The following EYS variants were observed in gnomAD, a reference collection of about 807,000 sequenced individuals.
EYS encodes EGF-like photoreceptor maintenance factor.
In EYS, 250 loss-of-function variants were observed where a neutral mutation model predicts 282.1. That is an observed-to-expected ratio of 0.89 (90% CI 0.80 to 0.98). The LOEUF is 0.98. Ranked by LOEUF, EYS falls within the 50% of genes least tolerant of loss-of-function variation. The pLI, the probability that EYS is intolerant of heterozygous loss-of-function variation, is 0.00. For synonymous variants in EYS, 1,355 were observed against 1,282.9 expected, an observed-to-expected ratio of 1.06 and a Z score of -1.20; for missense variants, 4,016 against 3,709.0, an observed-to-expected ratio of 1.08 and a Z score of -2.15.
At chr6:65,684,259 T>A (rs896482163) in intron 1 of EYS, among the ~76,000 whole-genome samples, 1 of 151,994 alleles carries the variant, frequency 6.6e-6, no homozygotes, top group Non-Finnish European at 1.5e-5. Flanking sequence ...AGGATTTAGT[T>A]AAAAATAGCA....
rs558222217 is a variant in EYS at position 64,896,736 on chromosome 6, T to C, written c.2846+5377A>G. Among the ~76,000 whole-genome samples the C allele has an allele frequency of 5.9e-5, 9 of 152,102 alleles. No individual in the cohort carries two copies. In the South Asian group the frequency reaches 1.9e-3, roughly 32 times the overall value. On this transcript the variant is annotated intron_variant, in intron 18 of 42. Coordinates refer to ENST00000503581, the MANE Select transcript of EYS (RefSeq NM_001142800.2). Reference sequence around the variant, plus strand: ...TCACTGCCACCACAACAGTCTGAAGTCCACCTGGGATGCTGGAGTTTAGTT... The same window carrying C: ...TCACTGCCACCACAACAGTCTGAAGCCCACCTGGGATGCTGGAGTTTAGTT...
At chr6:63,876,795 CT>C (rs914651907) in intron 35 of EYS, among the ~76,000 whole-genome samples, 6 of 151,412 alleles carry the variant, frequency 4.0e-5, no homozygotes, top group South Asian at 2.1e-4. Flanking sequence ...GCAACCCCTG[CT>C]TTTTTTTTGT....
intron 19 of EYS, among the ~76,000 whole-genome samples, chr6:64,854,444 G>A (rs1284401729): frequency 6.6e-6 from 1 of 152,004 alleles, no homozygotes; most frequent in African/African-American, 2.4e-5. Context: ...TCTTTGTAGG[G>A]ACATGGATGA....
At chr6:65,266,810 T>C (rs1053486289) in intron 12 of EYS, among the ~76,000 whole-genome samples, 1 of 151,238 alleles carries the variant, frequency 6.6e-6, no homozygotes, top group Non-Finnish European at 1.5e-5. Flanking sequence ...TACTCTACAA[T>C]ATCTGTTTAA....
chr6:64,615,339 G>C (rs898374508), intron 24 of EYS, among the ~76,000 whole-genome samples: 2 of 151,648 alleles, frequency 1.3e-5, no homozygotes, highest in African/African-American at 4.8e-5. Flanking sequence ...AGTGGGGGAG[G>C]GAAAAATAAA....
intron 35 of EYS, among the ~76,000 whole-genome samples, chr6:63,877,342 G>A (rs1773003196): frequency 6.6e-6 from 1 of 152,212 alleles, no homozygotes; most frequent in South Asian, 2.1e-4. Context: ...GTGATCTGCT[G>A]TTATTCTGAT....
chr6:64,433,840 G>T (rs1774650021), intron 28 of EYS, among the ~76,000 whole-genome samples: 1 of 151,958 alleles, frequency 6.6e-6, no homozygotes, highest in Non-Finnish European at 1.5e-5. Flanking sequence ...TAAAAACAAT[G>T]ATCAGGTCAA....
chr6:63,789,339 T>A lies in EYS; in HGVS notation c.7412-115A>T, dbSNP rs115343538. 4.0e-4 allele frequency: 406 copies of A among 1,011,650 alleles called. 5 individuals carry two copies. In the South Asian group the frequency reaches 7.0e-3, roughly 17 times the overall value. 62.7% of individuals were successfully genotyped at this position (1,011,650 alleles called of 1,614,324 possible). ...GATCAGTATGGTAAGTTATAATACATATTTAGTCTCTAGTCAGCATTTAGG... is the reference window on the plus strand; with the variant it reads ...GATCAGTATGGTAAGTTATAATACAAATTTAGTCTCTAGTCAGCATTTAGG... On this transcript the variant is annotated intron_variant, in intron 37 of 42. Coordinates refer to ENST00000503581, the MANE Select transcript of EYS (RefSeq NM_001142800.2).
intron 35 of EYS, among the ~76,000 whole-genome samples, chr6:63,884,872 T>A (rs566590413): frequency 6.6e-6 from 1 of 152,056 alleles, no homozygotes; most frequent in Admixed American, 6.6e-5. Context: ...TTAGTGAAAA[T>A]TGTGTATCAA....
chr6:64,923,068 G>T (rs768378), intron 15 of EYS, among the ~76,000 whole-genome samples: 2 of 151,932 alleles, frequency 1.3e-5, no homozygotes, highest in African/African-American at 4.8e-5. Context: ...GTTGAGTAAG[G>T]CCATTTGGCT....
intron 5 of EYS, among the ~76,000 whole-genome samples, chr6:65,474,292 C>A (rs1196965649): frequency 1.3e-5 from 2 of 152,036 alleles, no homozygotes; most frequent in Non-Finnish European, 2.9e-5. Flanking sequence ...GCATAGCTTT[C>A]TATGATTCTG....
chr6:65,240,485 G>A (rs1767031358), intron 12 of EYS, among the ~76,000 whole-genome samples: 1 of 151,938 alleles, frequency 6.6e-6, no homozygotes, highest in Non-Finnish European at 1.5e-5. Flanking sequence ...CCATCTTTAT[G>A]TCCATGTGTA....
chr6:65,179,751 A>C (rs990698154), intron 12 of EYS, among the ~76,000 whole-genome samples: 8 of 152,038 alleles, frequency 5.3e-5, no homozygotes, highest in Non-Finnish European at 1.0e-4. Flanking sequence ...GAGACACAAC[A>C]TAAAAAGAGA....
intron 5 of EYS, among the ~76,000 whole-genome samples, chr6:65,475,748 G>GAC (rs111446667): frequency 3.6e-4 from 44 of 121,596 alleles, no homozygotes; most frequent in Middle Eastern, 4.7e-3. Context: ...CAGACAGACA[G>GAC]ACAGACAGAC....
intron 19 of EYS, among the ~76,000 whole-genome samples, chr6:64,845,786 C>A (rs1350779912): frequency 6.6e-6 from 1 of 152,058 alleles, no homozygotes; most frequent in Admixed American, 6.6e-5. Context: ...ACATCTCATT[C>A]TCCTGACTCA....
chr6:63,817,744 C>T (rs1889252), intron 36 of EYS, among the ~76,000 whole-genome samples: 3,521 of 152,264 alleles, frequency 0.023, 153 homozygotes, highest in African/African-American at 0.081. Flanking sequence ...TCTCCTTTCA[C>T]GTAGGGGAAG....
In EYS at chr6:65,313,446, G is replaced by T. The variant is rs550564346; in HGVS notation, c.1767-17327C>A. On this transcript the variant is annotated intron_variant, in intron 11 of 42. Transcript: ENST00000503581. Reference sequence around the variant, plus strand: ...ATCTGGGTGTCCTTTAGGCATCTCAGACATACTGTGATCACAGCTGAGCTC... The same window carrying T: ...ATCTGGGTGTCCTTTAGGCATCTCATACATACTGTGATCACAGCTGAGCTC... 1.6e-4 allele frequency among the ~76,000 whole-genome samples: 24 copies of T among 151,710 alleles called. No homozygotes were observed. The East Asian group carries it at 3.9e-3, about 25-fold the overall frequency.
Position 65,424,264 on chromosome 6 carries a change from C to A in EYS, c.863-18897G>T, listed in dbSNP as rs943884850. Among the ~76,000 whole-genome samples, 3 of 151,884 alleles carry A rather than the reference C, an allele frequency of 2.0e-5. No individual in the cohort carries two copies. In the Admixed American group the frequency reaches 2.0e-4, roughly 10 times the overall value. ...ATTATGTTCCCTAGCAATTTTATTT[C>A]TATTTTTTTCTTTCTTTTCCTCATA... On this transcript the variant is annotated intron_variant, in intron 5 of 42. Coordinates refer to ENST00000503581, the MANE Select transcript of EYS (RefSeq NM_001142800.2).
chr6:65,472,006 T>C (rs529440883), intron 5 of EYS, among the ~76,000 whole-genome samples: 17 of 152,248 alleles, frequency 1.1e-4, no homozygotes, highest in Admixed American at 4.6e-4. Flanking sequence ...GATGATTGCA[T>C]TTGTTCATCT....
Sources: gnomAD v4.1 joint callset for allele counts (sites outside exome capture counted in the v4.1 genomes callset) on GRCh38, gnomAD v4.1.1 for gene constraint, MANE v1.5 for transcripts, NCBI Gene and HGNC (gene_info 2026-07-23, HGNC 2026-07-21) for gene names.